The following LIFR variants were observed in gnomAD, a reference collection of about 807,000 sequenced individuals.
LIFR encodes the protein leukemia inhibitory factor receptor.
In LIFR, 84 loss-of-function variants were observed where a neutral mutation model predicts 122.2. The ratio of observed to expected loss-of-function variants is 0.69; its 90% CI spans 0.58 to 0.82. The LOEUF is 0.82. LIFR is among the 40% of genes least tolerant of loss of function. The pLI is 0.00. For synonymous variants in LIFR, 422 were observed against 434.7 expected (o/e 0.97, Z 0.36); for missense variants, 1,294 against 1,311.6 (o/e 0.99, Z 0.21).
intron 6 of LIFR, among the ~76,000 whole-genome samples, chr5:38,510,930 A>T (rs1017973102): frequency 2.7e-5 from 4 of 149,088 alleles, no homozygotes; most frequent in African/African-American, 9.7e-5. Flanking sequence ...TAAATTTTTT[A>T]AAAGTGTATG....
intron 1 of LIFR, among the ~76,000 whole-genome samples, chr5:38,545,563 A>G (rs960096346): frequency 6.6e-6 from 1 of 151,954 alleles, no homozygotes; most frequent in Non-Finnish European, 1.5e-5. Context: ...ACTTATGTTT[A>G]AAAAAATAAC....
chr5:38,489,136 A>G lies in LIFR; in HGVS notation c.2277T>C (p.Tyr759=). 1.2e-6 allele frequency: 2 copies of G among 1,613,220 alleles called. No homozygotes were observed. The highest frequency in any genetic ancestry group is 1.7e-6 in the Non-Finnish European group (2 of 1,179,352). The part of the protein sequence containing the change: ...VEELRGFLRG[Y]LFYFGKGERD... ...TTTCTCCTTTTCCAAAGTAAAACAAATATCCTCTTAAAAAGCCTCTAAGTT... is the reference window on the plus strand; with the variant it reads ...TTTCTCCTTTTCCAAAGTAAAACAAGTATCCTCTTAAAAAGCCTCTAAGTT... Residue 759 remains tyrosine, a synonymous_variant, in exon 16 of 20, where the codon TAT becomes TAC. Coordinates refer to ENST00000453190, the MANE Select transcript of LIFR (RefSeq NM_001127671.2).
At chr5:38,592,708 T>G (rs1465983953) in intron 1 of LIFR, among the ~76,000 whole-genome samples, 1 of 152,106 alleles carries the variant, frequency 6.6e-6, no homozygotes, top group Non-Finnish European at 1.5e-5. Flanking sequence ...GTGCACATTT[T>G]TTCTATTTTT....
At chr5:38,533,515 A>G (rs1747130200) in intron 1 of LIFR, among the ~76,000 whole-genome samples, 1 of 152,108 alleles carries the variant, frequency 6.6e-6, no homozygotes, top group Non-Finnish European at 1.5e-5. Flanking sequence ...TTTGACTTGT[A>G]TTTTTCTCAA....
At chr5:38,489,750 T>C (rs1308129163) in intron 15 of LIFR, among the ~76,000 whole-genome samples, 1 of 151,432 alleles carries the variant, frequency 6.6e-6, no homozygotes, top group Non-Finnish European at 1.5e-5. Flanking sequence ...CCCAGCACTT[T>C]AGGAGGCTGA....
At chr5:38,494,099 A>G (rs2112419417) in intron 13 of LIFR, among the ~76,000 whole-genome samples, 1 of 152,326 alleles carries the variant, frequency 6.6e-6, no homozygotes, top group South Asian at 2.1e-4. Flanking sequence ...GACGCAGCTA[A>G]GGACACTGGC....
At chr5:38,529,967 T>C (rs1218972624) in intron 2 of LIFR, among the ~76,000 whole-genome samples, 1 of 152,206 alleles carries the variant, frequency 6.6e-6, no homozygotes, top group Admixed American at 6.5e-5. Context: ...AGGATGATAA[T>C]TTCTTTATAT....
intron 7 of LIFR, 118 bp from the exon 8 acceptor site, chr5:38,506,750 C>T (rs1745508848): frequency 1.2e-6 from 1 of 866,308 alleles, no homozygotes; most frequent in Non-Finnish European, 1.8e-6. Flanking sequence ...TTACTATTTA[C>T]ATTTTACTTT....
chr5:38,515,273 A>AT (rs1247122799), intron 5 of LIFR, among the ~76,000 whole-genome samples: 1 of 152,140 alleles, frequency 6.6e-6, no homozygotes. Context: ...GTGCTATACA[A>AT]ATATTATCAG....
chr5:38,527,760 G>A (rs902147844), intron 3 of LIFR, among the ~76,000 whole-genome samples: 5 of 152,166 alleles, frequency 3.3e-5, no homozygotes, highest in Admixed American at 6.5e-5. Context: ...CTTCAGTTCT[G>A]TTTTCAAAAT....
chr5:38,578,465 C>T (rs556765523), intron 1 of LIFR, among the ~76,000 whole-genome samples: 8 of 151,946 alleles, frequency 5.3e-5, no homozygotes, highest in African/African-American at 9.6e-5. Context: ...CTTGGCCTCC[C>T]GAAGTGCTCA....
rs3797159 is a variant in LIFR, at chr5:38,495,712, G to A, written c.1885+670C>T. 0.017 allele frequency among the ~76,000 whole-genome samples: 2,604 copies of A among 152,240 alleles called. 197 individuals are homozygous for A. The East Asian group carries it at 0.25, about 15-fold the overall frequency. On this transcript the variant is annotated intron_variant, in intron 13 of 19. Coordinates refer to ENST00000453190, the MANE Select transcript of LIFR (RefSeq NM_001127671.2). ...AGGCAGAAAATGACTGGAGCACAGA[G>A]GTCTGTGGAAGAAGAGGTGGAAGTG... is the stretch of plus-strand genomic sequence containing the variant.
chr5:38,599,466 G>C (rs776873606), upstream of LIFR, among the ~76,000 whole-genome samples: 8 of 152,128 alleles, frequency 5.3e-5, no homozygotes, highest in Non-Finnish European at 1.0e-4. Context: ...CAGCGGGAAG[G>C]TCAGGACCCA....
intron 5 of LIFR, among the ~76,000 whole-genome samples, chr5:38,512,572 C>T (rs1745858424): frequency 6.6e-6 from 1 of 152,120 alleles, no homozygotes; most frequent in South Asian, 2.1e-4. Flanking sequence ...CCTGGAAAGT[C>T]AAGGCTGCAG....
intron 1 of LIFR, among the ~76,000 whole-genome samples, chr5:38,591,602 G>GATGTGCA: frequency 6.6e-6 from 1 of 152,330 alleles, no homozygotes; most frequent in East Asian, 1.9e-4. Flanking sequence ...GATGTTTGAA[G>GATGTGCA]GACACCATAT....
chr5:38,492,581 T>C (rs1217860671), intron 14 of LIFR, among the ~76,000 whole-genome samples: 1 of 152,192 alleles, frequency 6.6e-6, no homozygotes, highest in African/African-American at 2.4e-5. Flanking sequence ...CTTCAGCCAA[T>C]TATACATGTG....
chr5:38,542,664 T>TG (rs1330484929), intron 1 of LIFR, among the ~76,000 whole-genome samples: 2 of 152,166 alleles, frequency 1.3e-5, no homozygotes, highest in African/African-American at 4.8e-5. Flanking sequence ...GTGCCATCTC[T>TG]GTGCACCTCC....
chr5:38,528,347 G>T lies in LIFR; in HGVS notation c.257+379C>A, dbSNP rs1746802399. 2.6e-5 allele frequency among the ~76,000 whole-genome samples: 4 copies of T among 152,306 alleles called. No homozygotes were observed. In the South Asian group the frequency reaches 8.3e-4, roughly 32 times the overall value. ...TAACTTCCTCTCTGTTTGGCCTGTG[G>T]TGGGCATGTGTGCTCTTCAGCAAAC... On this transcript the variant is annotated intron_variant, in intron 3 of 19. Transcript: ENST00000453190.
At chr5:38,557,331 A>ATTGTTCCCATTTCCG (rs1250883846), upstream of LIFR, 6 of 152,586 alleles carry the variant, frequency 3.9e-5, no homozygotes, top group Non-Finnish European at 8.8e-5. Context: ...TCCTCCGTAC[A>ATTGTTCCCATTTCCG]TTGTTCCCAT....
Sources: gnomAD v4.1 joint callset for allele counts (sites outside exome capture counted in the v4.1 genomes callset) on GRCh38, gnomAD v4.1.1 for gene constraint, MANE v1.5 for transcripts, NCBI Gene and HGNC (gene_info 2026-07-23, HGNC 2026-07-21) for gene names.